Variants in UNC13B observed in about 807,000 individuals in gnomAD.
UNC13B encodes the protein protein unc-13 homolog B.
A neutral mutation model predicts 211.0 loss-of-function variants in UNC13B; 144 were observed. The observed-to-expected ratio is 0.68, with a 90% CI of 0.60 to 0.78. The LOEUF (loss-of-function observed/expected upper bound fraction) is 0.78, where lower values mean the gene tolerates loss of function less well. UNC13B is among the 30% of genes least tolerant of loss of function. The pLI is 0.00. For missense variants in UNC13B, 1,777 were observed against 2,002.0 expected (o/e 0.89, Z 2.14); for synonymous variants, 709 against 725.8 (o/e 0.98, Z 0.37).
chr9:35,398,284 A>G lies in UNC13B; in HGVS notation c.11828A>G (p.Lys3943Arg). Residue 3943 changes from lysine to arginine, a missense_variant, in exon 31 of 40, where the codon AAG becomes AGG. Lys to Arg is a conservative substitution (Grantham distance 26, BLOSUM62 2). Coordinates refer to ENST00000635942, the MANE Select transcript of UNC13B (RefSeq NM_001371189.2). Reference sequence around the variant, plus strand: ...AAAATGTTTGAGGCCATGGGAGGCAAGGAGGTAGGTCTTAGGGTTTGGGAG... The same window carrying G: ...AAAATGTTTGAGGCCATGGGAGGCAGGGAGGTAGGTCTTAGGGTTTGGGAG... The part of the protein sequence containing the change: ...LEKMFEAMGG[K>R]ELDLEAADSL... 1.9e-6 allele frequency: 3 copies of G among 1,613,722 alleles called. No homozygotes were observed. Among genetic ancestry groups the G allele is most frequent in the Middle Eastern group, 1.6e-4 (1 of 6,062 alleles).
At chr9:35,219,795 T>A (rs1457379059) in intron 1 of UNC13B, among the ~76,000 whole-genome samples, 1 of 152,108 alleles carries the variant, frequency 6.6e-6, no homozygotes, top group Non-Finnish European at 1.5e-5. Flanking sequence ...AAGTTGAAAT[T>A]TTCTTTACTG....
chr9:35,310,325 T>C (rs1830121611), intron 9 of UNC13B, 142 bp from the exon 10 acceptor site: 3 of 836,492 alleles, frequency 3.6e-6, no homozygotes, highest in Non-Finnish European at 5.5e-6. Flanking sequence ...TTCTAGATTA[T>C]GAAGTTTGGT....
rs750314411 is a variant in UNC13B, at chr9:35,243,301, G to A, written c.405G>A (p.Glu135=). Residue 135 remains glutamate, a synonymous_variant, in exon 6 of 40, where the codon GAG becomes GAA. Transcript: ENST00000635942. ...TRFELPFDIP[E]EEARYWTYKW... Reference sequence around the variant, plus strand: ...TTTTTTTTATGGTAGATATCCCAGAGGAGGAAGCCAGATATTGGACCTACA... The same window carrying A: ...TTTTTTTTATGGTAGATATCCCAGAAGAGGAAGCCAGATATTGGACCTACA... The A allele has an allele frequency of 1.1e-5, 17 of 1,613,376 alleles. No individual in the cohort carries two copies. Among genetic ancestry groups the A allele is most frequent in the Non-Finnish European group, 1.3e-5 (15 of 1,179,558 alleles).
Position 35,402,103 on chromosome 9 carries a change from G to C in UNC13B, c.12485-1064G>C. ...ACTCGTGCTGGGGGTGGGGGAACAA[G>C]CTGTCAAGGTTTAGGAGCTCTATCT... is the stretch of plus-strand genomic sequence containing the variant. On this transcript the variant is annotated intron_variant, in intron 37 of 39. Transcript: ENST00000635942. The C allele has an allele frequency of 2.5e-6, 3 of 1,199,380 alleles. No homozygotes were observed. In the South Asian group the frequency reaches 4.0e-5, roughly 16 times the overall value. 74.3% of individuals were successfully genotyped at this position (1,199,380 alleles called of 1,614,324 possible). A position where few individuals can be genotyped will look rare whatever the true frequency, so the allele number is the denominator to read the frequency against.
At chr9:35,399,523 G>A (rs1296023966) in intron 35 of UNC13B, 75 bp downstream of exon 35, 10 of 1,609,196 alleles carry the variant, frequency 6.2e-6, no homozygotes, top group Non-Finnish European at 8.5e-6. Context: ...TGCGGGGAAG[G>A]AAATTGGAGC....
intron 14 of UNC13B, 67 bp downstream of exon 14, chr9:35,375,268 C>A: frequency 1.3e-6 from 2 of 1,523,018 alleles, no homozygotes; most frequent in Non-Finnish European, 1.8e-6. Flanking sequence ...TGTAGCCATG[C>A]TATTAATAAT....
At chr9:35,395,339 A>G (rs1835803269) in intron 26 of UNC13B, among the ~76,000 whole-genome samples, 2 of 152,232 alleles carry the variant, frequency 1.3e-5, no homozygotes. Flanking sequence ...AGGTTGAGAC[A>G]GTGCTGCCTG....
intron 1 of UNC13B, among the ~76,000 whole-genome samples, chr9:35,217,498 C>T (rs1056089340): frequency 1.3e-5 from 2 of 151,612 alleles, no homozygotes; most frequent in Non-Finnish European, 2.9e-5. Context: ...ACGCCATTGT[C>T]CTGCCTCAGC....
chr9:35,251,348 G>C (rs140001091), intron 6 of UNC13B, among the ~76,000 whole-genome samples: 5 of 152,236 alleles, frequency 3.3e-5, no homozygotes, highest in Non-Finnish European at 7.4e-5. Context: ...CACTCTGGGG[G>C]GGCCGAGGTG....
At chr9:35,326,942 T>G (rs1335152615) in intron 11 of UNC13B, among the ~76,000 whole-genome samples, 2 of 152,234 alleles carry the variant, frequency 1.3e-5, no homozygotes, top group African/African-American at 4.8e-5. Flanking sequence ...GTAAGAGTTC[T>G]TCACATATTT....
At chr9:35,352,679 G>A in intron 11 of UNC13B, 1 of 1,232,088 alleles carries the variant, frequency 8.1e-7, no homozygotes, top group Middle Eastern at 3.1e-4. Flanking sequence ...TTTATCAAAG[G>A]AAAGTGATGT....
At chr9:35,190,025 G>A (rs1822567321) in intron 1 of UNC13B, among the ~76,000 whole-genome samples, 1 of 152,116 alleles carries the variant, frequency 6.6e-6, no homozygotes, top group East Asian at 1.9e-4. Context: ...GGAGGAACAG[G>A]GCCAGGATAG....
intron 13 of UNC13B, among the ~76,000 whole-genome samples, chr9:35,374,438 G>C (rs1488161030): frequency 8.2e-6 from 1 of 121,396 alleles, no homozygotes; most frequent in East Asian, 2.6e-4. Flanking sequence ...TGGGGCCCCT[G>C]TGCAAGAGTG....
At chr9:35,197,170 A>G (rs1822991202) in intron 1 of UNC13B, among the ~76,000 whole-genome samples, 2 of 152,144 alleles carry the variant, frequency 1.3e-5, no homozygotes, top group Admixed American at 6.6e-5. Flanking sequence ...ATATTGATTG[A>G]GCAATATAGT....
chr9:35,363,211 G>T (rs1446194183), intron 11 of UNC13B, among the ~76,000 whole-genome samples: 1 of 152,170 alleles, frequency 6.6e-6, no homozygotes, highest in East Asian at 1.9e-4. Context: ...TCTGTCAATG[G>T]ATTGATTTGA....
intron 11 of UNC13B, among the ~76,000 whole-genome samples, chr9:35,335,459 T>C (rs987568894): frequency 6.6e-6 from 1 of 152,044 alleles, no homozygotes; most frequent in African/African-American, 2.4e-5. Context: ...GGGAAAGAGG[T>C]AAGTTGTAGC....
At chr9:35,243,454 T>C in intron 6 of UNC13B, 90 bp downstream of exon 6, 1 of 1,319,346 alleles carries the variant, frequency 7.6e-7, no homozygotes, top group Non-Finnish European at 1.1e-6. Flanking sequence ...CAAGAGCATG[T>C]TGTCCTGAGA....
At chr9:35,278,802 CT>C (rs1018181058) in intron 7 of UNC13B, among the ~76,000 whole-genome samples, 10 of 152,044 alleles carry the variant, frequency 6.6e-5, no homozygotes, top group African/African-American at 2.2e-4. Context: ...TGAAAAACAG[CT>C]TTTTTTCTGT....
chr9:35,396,228 G>C (rs978910417), intron 26 of UNC13B, among the ~76,000 whole-genome samples: 1 of 152,188 alleles, frequency 6.6e-6, no homozygotes, highest in Non-Finnish European at 1.5e-5. Flanking sequence ...AAACGCTAGA[G>C]CAAAAAGACT....
Sources: gnomAD v4.1 joint callset for allele counts (sites outside exome capture counted in the v4.1 genomes callset) on GRCh38, gnomAD v4.1.1 for gene constraint, MANE v1.5 for transcripts, NCBI Gene and HGNC (gene_info 2026-07-23, HGNC 2026-07-21) for gene names.